TSHZ3: variants seen among roughly 807,000 people sequenced by gnomAD.
TSHZ3 encodes the protein teashirt homolog 3.
In TSHZ3, 10 loss-of-function variants were observed where a neutral mutation model predicts 64.5. The ratio of observed to expected loss-of-function variants is 0.16; its 90% CI spans 0.10 to 0.26. TSHZ3 has a LOEUF of 0.26. TSHZ3 is among the 10% of genes least tolerant of loss of function. TSHZ3 has a pLI of 1.00. For missense variants in TSHZ3, 1,242 were observed against 1,421.7 expected, an observed-to-expected ratio of 0.87 and a Z score of 2.03; for synonymous variants, 608 against 593.1, an observed-to-expected ratio of 1.03 and a Z score of -0.36.
At chr19:31,250,235 C>A (rs1001604975) in intron 1 of TSHZ3, among the ~76,000 whole-genome samples, 1 of 152,190 alleles carries the variant, frequency 6.6e-6, no homozygotes, top group South Asian at 2.1e-4. Flanking sequence ...ACATTGTTAC[C>A]CTTGAGTCTA....
At chr19:31,244,182 G>C (rs367919575) in intron 1 of TSHZ3, among the ~76,000 whole-genome samples, 1 of 152,156 alleles carries the variant, frequency 6.6e-6, no homozygotes, top group Non-Finnish European at 1.5e-5. Context: ...TGTTGGAGGT[G>C]GGGCCTGGTG....
At chr19:31,185,491 G>A (rs747517790) in intron 5 of TSHZ3, among the ~76,000 whole-genome samples, 10 of 152,286 alleles carry the variant, frequency 6.6e-5, no homozygotes, top group South Asian at 2.1e-4. Context: ...AAGACATTGC[G>A]GCAGGGATGA....
chr19:31,150,348 A>G (rs2145092666), exon 7 of TSHZ3, among the ~76,000 whole-genome samples: 1 of 152,248 alleles, frequency 6.6e-6, no homozygotes, highest in East Asian at 1.9e-4. Context: ...GGGGATGGGC[A>G]CCTCTGGGTG....
rs184053307 is a variant in TSHZ3 at position 31,304,544 on chromosome 19, A to C, written c.41-24792T>G. On this transcript the variant is annotated intron_variant, in intron 1 of 1. Transcript: ENST00000240587. ...TTAATCTTGAGTTTTTAAAATATCA[A>C]AACCTGAAAATGTATAATTAAATTA... 5.4e-3 allele frequency among the ~76,000 whole-genome samples: 823 copies of C among 152,366 alleles called. 4 individuals carry two copies. The highest frequency in any genetic ancestry group is 9.6e-3 in the Non-Finnish European group (655 of 68,040).
chr19:31,170,544 T>A (rs1455472440), intron 5 of TSHZ3, among the ~76,000 whole-genome samples: 1 of 152,210 alleles, frequency 6.6e-6, no homozygotes, highest in Admixed American at 6.5e-5. Context: ...GCATCCCACA[T>A]CTACATGCTC....
intron 5 of TSHZ3, among the ~76,000 whole-genome samples, chr19:31,197,035 T>C (rs1206422863): frequency 6.6e-6 from 1 of 151,870 alleles, no homozygotes; most frequent in Admixed American, 6.6e-5. Context: ...TATGGAAAAT[T>C]AACCAAGATA....
intron 1 of TSHZ3, among the ~76,000 whole-genome samples, chr19:31,348,427 C>T (rs1229898137): frequency 1.3e-5 from 2 of 148,736 alleles, no homozygotes; most frequent in Non-Finnish European, 3.0e-5. Context: ...AAAAAATCGG[C>T]TCAGTCTTAA....
At chr19:31,302,534 T>C (rs751713920) in intron 1 of TSHZ3, among the ~76,000 whole-genome samples, 7 of 152,216 alleles carry the variant, frequency 4.6e-5, no homozygotes, top group Non-Finnish European at 1.0e-4. Flanking sequence ...AAATTCTATA[T>C]TCTGAAAGTT....
chr19:31,266,291 C>T (rs770908525), intron 1 of TSHZ3, among the ~76,000 whole-genome samples: 12 of 152,116 alleles, frequency 7.9e-5, no homozygotes, highest in East Asian at 1.9e-4. Context: ...AACAAGACCC[C>T]GTTTCTACCA....
chr19:31,160,877 A>T (rs1568333277), intron 5 of TSHZ3, among the ~76,000 whole-genome samples: 1 of 151,884 alleles, frequency 6.6e-6, no homozygotes. Context: ...TGTCCAAATG[A>T]ATATATATAT....
intron 5 of TSHZ3, among the ~76,000 whole-genome samples, chr19:31,173,693 C>T (rs1974567594): frequency 6.6e-6 from 1 of 152,162 alleles, no homozygotes; most frequent in South Asian, 2.1e-4. Flanking sequence ...TCAATTATTT[C>T]CTCCAACCTG....
chr19:31,196,615 G>T (rs1195719749), intron 5 of TSHZ3, among the ~76,000 whole-genome samples: 1 of 151,930 alleles, frequency 6.6e-6, no homozygotes, highest in Non-Finnish European at 1.5e-5. Flanking sequence ...TAGATTAAAA[G>T]TAAATGGATG....
intron 1 of TSHZ3, among the ~76,000 whole-genome samples, chr19:31,328,245 G>A (rs191783350): frequency 7.2e-5 from 11 of 152,376 alleles, no homozygotes; most frequent in African/African-American, 2.6e-4. Context: ...CTAGGCTCAT[G>A]GAGCAGGGAA....
At chr19:31,230,490 T>G (rs1975524880) in intron 3 of TSHZ3, among the ~76,000 whole-genome samples, 1 of 152,230 alleles carries the variant, frequency 6.6e-6, no homozygotes, top group African/African-American at 2.4e-5. Context: ...TTAACTTTTA[T>G]TTAAATCCTG....
intron 3 of TSHZ3, among the ~76,000 whole-genome samples, chr19:31,240,953 A>ATTATAC (rs1568357000): frequency 6.6e-6 from 1 of 152,138 alleles, no homozygotes; most frequent in Non-Finnish European, 1.5e-5. Context: ...CTTTGAAAAT[A>ATTATAC]TTATACTTGT....
At chr19:31,311,643 C>T (rs1043099952) in intron 1 of TSHZ3, among the ~76,000 whole-genome samples, 1 of 152,166 alleles carries the variant, frequency 6.6e-6, no homozygotes, top group African/African-American at 2.4e-5. Context: ...ATGGGTGGAA[C>T]ATGAGGACTG....
At chr19:31,350,449 T>A (rs2145210582), upstream of TSHZ3, among the ~76,000 whole-genome samples, 1 of 149,518 alleles carries the variant, frequency 6.7e-6, no homozygotes, top group East Asian at 2.1e-4. Flanking sequence ...GCGCCCCCCA[T>A]CCACGGCGCG....
At chr19:31,165,444 T>C (rs1974435494) in intron 5 of TSHZ3, among the ~76,000 whole-genome samples, 3 of 152,194 alleles carry the variant, frequency 2.0e-5, no homozygotes. Flanking sequence ...TTGGGTGGTC[T>C]ATAAGACCAC....
At chr19:31,215,287 A>T (rs1248344321) in intron 4 of TSHZ3, among the ~76,000 whole-genome samples, 2 of 152,228 alleles carry the variant, frequency 1.3e-5, no homozygotes, top group Non-Finnish European at 2.9e-5. Flanking sequence ...TAAATTGTAA[A>T]TCACACAAAT....
Sources: gnomAD v4.1 joint callset for allele counts (sites outside exome capture counted in the v4.1 genomes callset) on GRCh38, gnomAD v4.1.1 for gene constraint, MANE v1.5 for transcripts, NCBI Gene and HGNC (gene_info 2026-07-23, HGNC 2026-07-21) for gene names.